The following PDE1A variants were observed in gnomAD, a reference collection of about 807,000 sequenced individuals.
PDE1A encodes the protein dual specificity calcium/calmodulin-dependent 3',5'-cyclic nucleotide phosphodiesterase 1A.
A neutral mutation model predicts 61.7 loss-of-function variants in PDE1A; 35 were observed. The ratio of observed to expected loss-of-function variants is 0.57; its 90% CI spans 0.43 to 0.75. PDE1A has a LOEUF of 0.75. Among genes scored for constraint, PDE1A ranks in the 30% least tolerant of loss-of-function variants. The probability of loss-of-function intolerance (pLI) is 0.00; values close to 1 mark genes in which losing one functional copy is unlikely to be tolerated. For missense variants in PDE1A, 597 were observed against 630.6 expected, an observed-to-expected ratio of 0.95 and a Z score of 0.57; for synonymous variants, 232 against 213.2, an observed-to-expected ratio of 1.09 and a Z score of -0.77.
At chr2:182,441,383 G>A (rs189335720) in intron 2 of PDE1A, among the ~76,000 whole-genome samples, 10 of 152,000 alleles carry the variant, frequency 6.6e-5, no homozygotes, top group African/African-American at 2.2e-4. Context: ...ATTTATTTGA[G>A]CAAAAGAATA....
the PDE1A span, among the ~76,000 whole-genome samples, chr2:182,634,045 C>T: frequency 6.6e-6 from 1 of 151,854 alleles, no homozygotes; most frequent in African/African-American, 2.4e-5. Flanking sequence ...ACCAAAATCA[C>T]ACCATTGTAC....
chr2:182,408,792 C>T (rs182865640), intron 1 of PDE1A, among the ~76,000 whole-genome samples: 3 of 152,322 alleles, frequency 2.0e-5, no homozygotes, highest in African/African-American at 7.2e-5. Context: ...CAACAAAAAA[C>T]ATCAACACCA....
intron 2 of PDE1A, among the ~76,000 whole-genome samples, chr2:182,511,217 G>T (rs1313505028): frequency 6.6e-6 from 1 of 151,920 alleles, no homozygotes; most frequent in Non-Finnish European, 1.5e-5. Flanking sequence ...ACTAGATGTA[G>T]CCAGGAAAAC....
intron 1 of PDE1A, among the ~76,000 whole-genome samples, chr2:182,315,325 T>C (rs1232324758): frequency 7.9e-5 from 12 of 152,216 alleles, no homozygotes; most frequent in Non-Finnish European, 1.8e-4. Context: ...ATTATTTTTT[T>C]ACCATCTACT....
intron 2 of PDE1A, among the ~76,000 whole-genome samples, chr2:182,434,416 T>TG (rs1219835020): frequency 1.2e-4 from 19 of 152,202 alleles, no homozygotes; most frequent in African/African-American, 4.6e-4. Flanking sequence ...AGAAACTCAT[T>TG]TCCTCACAGT....
At chr2:182,546,548 C>T in the PDE1A span, among the ~76,000 whole-genome samples, 1 of 152,122 alleles carries the variant, frequency 6.6e-6, no homozygotes, top group Non-Finnish European at 1.5e-5. Context: ...ACGTGGATAA[C>T]GAAGCATCGA....
chr2:182,446,256 AG>A (rs1330500773), intron 2 of PDE1A, among the ~76,000 whole-genome samples: 2 of 152,146 alleles, frequency 1.3e-5, no homozygotes, highest in Non-Finnish European at 2.9e-5. Flanking sequence ...TCTCCTGCCT[AG>A]AAGAGATTGT....
At chr2:182,489,512 G>A (rs1280615491) in intron 2 of PDE1A, among the ~76,000 whole-genome samples, 2 of 152,186 alleles carry the variant, frequency 1.3e-5, no homozygotes, top group African/African-American at 4.8e-5. Context: ...CCAGATGTGA[G>A]AGATGACAGC....
intron 10 of PDE1A, among the ~76,000 whole-genome samples, chr2:182,196,155 T>C (rs1686118555): frequency 6.6e-6 from 1 of 152,048 alleles, no homozygotes; most frequent in Admixed American, 6.6e-5. Flanking sequence ...CAGTATAAAC[T>C]TAATTATTTT....
intron 2 of PDE1A, among the ~76,000 whole-genome samples, chr2:182,246,183 C>T (rs1373359414): frequency 6.6e-6 from 1 of 152,190 alleles, no homozygotes; most frequent in African/African-American, 2.4e-5. Flanking sequence ...GCTCCAGTGA[C>T]ACTAGCCTTG....
At chr2:182,493,143 A>G (rs909465210) in intron 2 of PDE1A, among the ~76,000 whole-genome samples, 2 of 152,150 alleles carry the variant, frequency 1.3e-5, no homozygotes, top group African/African-American at 4.8e-5. Flanking sequence ...AACTTTAACA[A>G]TTAGTCAAAG....
chr2:182,186,090 C>T lies in PDE1A; in HGVS notation c.1329-11G>A, dbSNP rs1405122504. On this transcript the variant is annotated splice_polypyrimidine_tract_variant and intron_variant, in intron 12 of 13. Transcript: ENST00000351439. ...ACAATGGTGGTTGAGCTAACAGTAA[C>T]AACCAAAGAAACCAAAAAACACCAT... The T allele has an allele frequency of 6.2e-7, 1 of 1,610,378 alleles. No individual in the cohort carries two copies. The highest frequency in any genetic ancestry group is 2.2e-5 in the East Asian group (1 of 44,792).
At chr2:182,447,324 A>C (rs1006312533) in intron 2 of PDE1A, among the ~76,000 whole-genome samples, 1 of 152,024 alleles carries the variant, frequency 6.6e-6, no homozygotes, top group African/African-American at 2.4e-5. Context: ...ATAAGACCGT[A>C]TCAGAATCTA....
At chr2:182,251,284 G>A (rs1691383615) in intron 2 of PDE1A, among the ~76,000 whole-genome samples, 1 of 152,074 alleles carries the variant, frequency 6.6e-6, no homozygotes, top group Non-Finnish European at 1.5e-5. Context: ...AAAAAAGGTT[G>A]GAATTGGGGC....
chr2:182,239,710 C>T (rs902276593), intron 3 of PDE1A, among the ~76,000 whole-genome samples: 12 of 151,806 alleles, frequency 7.9e-5, no homozygotes, highest in Non-Finnish European at 1.8e-4. Flanking sequence ...CAGAGGAAGG[C>T]CTAAGTGATC....
chr2:182,157,422 AGAGC>A (rs1691153007), intron 13 of PDE1A, among the ~76,000 whole-genome samples: 1 of 152,188 alleles, frequency 6.6e-6, no homozygotes. Context: ...AAACATAGCA[AGAGC>A]TATGAACTGT....
chr2:182,666,437 G>A, the PDE1A span, among the ~76,000 whole-genome samples: 1 of 151,852 alleles, frequency 6.6e-6, no homozygotes, highest in African/African-American at 2.4e-5. Context: ...GACCAACATG[G>A]TGAAACCCCA....
intron 2 of PDE1A, among the ~76,000 whole-genome samples, chr2:182,445,254 TAAGTA>T (rs1366103771): frequency 6.6e-6 from 1 of 152,124 alleles, no homozygotes; most frequent in Non-Finnish European, 1.5e-5. Context: ...AACTTCCTTC[TAAGTA>T]TAGATATCAA....
At chr2:182,573,723 G>A in the PDE1A span, among the ~76,000 whole-genome samples, 1 of 151,260 alleles carries the variant, frequency 6.6e-6, no homozygotes, top group African/African-American at 2.4e-5. Flanking sequence ...AGAATATTTA[G>A]GTAAAGGGTG....
Sources: allele counts gnomAD v4.1 joint callset (sites outside exome capture counted in the v4.1 genomes callset), GRCh38; gene constraint gnomAD v4.1.1; transcripts MANE v1.5; gene names NCBI Gene and HGNC (gene_info 2026-07-23, HGNC 2026-07-21).